Variants in CDK14 observed in about 807,000 individuals in gnomAD.
The protein encoded by CDK14 is cyclin-dependent kinase 14.
CDK14 carries 34 observed loss-of-function variants against 60.7 expected under a neutral mutation model. The observed-to-expected ratio is 0.56, with a 90% confidence interval of 0.43 to 0.75. The LOEUF (loss-of-function observed/expected upper bound fraction) is 0.75. Ranked by LOEUF, CDK14 falls within the 30% of genes least tolerant of loss-of-function variation. The probability of loss-of-function intolerance (pLI) is 0.00; values close to 1 mark genes in which losing one functional copy is unlikely to be tolerated. For synonymous variants in CDK14, 197 were observed against 203.7 expected (o/e 0.97, Z 0.28); for missense variants, 482 against 564.1 (o/e 0.85, Z 1.47).
At chr7:91,131,855 T>C (rs1213939236) in intron 14 of CDK14, among the ~76,000 whole-genome samples, 1 of 152,202 alleles carries the variant, frequency 6.6e-6, no homozygotes, top group East Asian at 1.9e-4. Context: ...TTTACGGTTT[T>C]ATCCTCATTT....
At chr7:90,811,269 A>G (rs1401026779) in intron 5 of CDK14, among the ~76,000 whole-genome samples, 1 of 152,064 alleles carries the variant, frequency 6.6e-6, no homozygotes, top group Non-Finnish European at 1.5e-5. Flanking sequence ...CAAAACAGAG[A>G]TATAGACCAA....
intron 11 of CDK14, among the ~76,000 whole-genome samples, chr7:91,050,396 A>G (rs757205143): frequency 6.6e-6 from 1 of 151,892 alleles, no homozygotes; most frequent in Non-Finnish European, 1.5e-5. Context: ...AGAACTCAAC[A>G]TGGTTTTCCC....
intron 3 of CDK14, 100 bp downstream of exon 3, chr7:90,726,912 CTTA>C (rs1485334631): frequency 5.6e-5 from 77 of 1,368,112 alleles, no homozygotes; most frequent in Non-Finnish European, 7.3e-5. Flanking sequence ...TTATCAGTGC[CTTA>C]TTATGCATTC....
intron 8 of CDK14, among the ~76,000 whole-genome samples, chr7:90,947,174 TCCAGAACAA>T (rs768128324): frequency 6.6e-6 from 1 of 152,222 alleles, no homozygotes; most frequent in Non-Finnish European, 1.5e-5. Context: ...GGAACCTTTT[TCCAGAACAA>T]CCAGCCTGTG....
chr7:90,613,818 C>T (rs1253179656), intron 2 of CDK14, among the ~76,000 whole-genome samples: 1 of 152,090 alleles, frequency 6.6e-6, no homozygotes, highest in African/African-American at 2.4e-5. Context: ...TATTTTCCTT[C>T]TGACTGGAAT....
rs565105805 is a variant in CDK14 at position 91,149,893 on chromosome 7, A to C, written c.*28+31685A>C. ...GATGGGGGAAAATTGATTGACTCAGAAAGTAGGGGATTGCGATGTAGTGAT... is the reference window on the plus strand; with the variant it reads ...GATGGGGGAAAATTGATTGACTCAGCAAGTAGGGGATTGCGATGTAGTGAT... On this transcript the variant is annotated intron_variant, in intron 14 of 14. Coordinates refer to ENST00000380050, the MANE Select transcript of CDK14 (RefSeq NM_001287135.2). Among the ~76,000 whole-genome samples, 5 of 152,250 alleles carry C rather than the reference A, an allele frequency of 3.3e-5. No homozygotes were observed. In the South Asian group the frequency reaches 1.0e-3, roughly 32 times the overall value.
rs193116053 is a variant in CDK14, at chr7:91,128,864, A to G, written c.*28+10656A>G. 1.1e-4 allele frequency among the ~76,000 whole-genome samples: 16 copies of G among 152,020 alleles called. No individual in the cohort carries two copies. In the East Asian group the frequency reaches 2.9e-3, roughly 28 times the overall value. ...TCACTGACTTCTTAGACTCTCCACT[A>G]TTTTACATTCTTCTCAATCCATCTC... On this transcript the variant is annotated intron_variant, in intron 14 of 14. Coordinates refer to ENST00000380050, the MANE Select transcript of CDK14 (RefSeq NM_001287135.2).
At chr7:90,834,403 A>G (rs1004631377) in intron 5 of CDK14, among the ~76,000 whole-genome samples, 2 of 152,190 alleles carry the variant, frequency 1.3e-5, no homozygotes, top group African/African-American at 2.4e-5. Flanking sequence ...TAAGGCTGGA[A>G]GCTGATGTGT....
chr7:90,797,616 A>G (rs1233834444), intron 5 of CDK14, among the ~76,000 whole-genome samples: 1 of 151,968 alleles, frequency 6.6e-6, no homozygotes, highest in Non-Finnish European at 1.5e-5. Flanking sequence ...TTTCTAAAGA[A>G]AAGAGGTTTA....
intron 5 of CDK14, among the ~76,000 whole-genome samples, chr7:90,829,064 G>A (rs1210437753): frequency 2.0e-5 from 3 of 152,096 alleles, no homozygotes; most frequent in Non-Finnish European, 4.4e-5. Context: ...AGAGTGAAGC[G>A]GGAAGTGCCA....
chr7:90,649,236 GTTTCTTTCTTTC>G (rs1167505193), intron 2 of CDK14, among the ~76,000 whole-genome samples: 1,301 of 118,440 alleles, frequency 0.011, 28 homozygotes, highest in Middle Eastern at 0.021. Context: ...CTAGCCTATA[GTTTCTTTCTTTC>G]TTTCTTTCTT....
chr7:91,020,656 G>A (rs969956390), intron 10 of CDK14, among the ~76,000 whole-genome samples: 3 of 152,110 alleles, frequency 2.0e-5, no homozygotes, highest in African/African-American at 7.2e-5. Flanking sequence ...CTGACCACTG[G>A]GATTTGAATC....
intron 11 of CDK14, among the ~76,000 whole-genome samples, chr7:91,059,996 A>G (rs935166544): frequency 1.3e-5 from 2 of 152,152 alleles, no homozygotes; most frequent in East Asian, 1.9e-4. Flanking sequence ...TCTAATGTTG[A>G]AAGTCGGGTG....
At chr7:90,945,995 C>G (rs560837078) in intron 8 of CDK14, among the ~76,000 whole-genome samples, 78 of 152,190 alleles carry the variant, frequency 5.1e-4, no homozygotes, top group African/African-American at 1.7e-3. Flanking sequence ...GCTCAAGACC[C>G]AGAAGTGTTT....
At chr7:90,846,491 C>T (rs965753721) in intron 5 of CDK14, among the ~76,000 whole-genome samples, 1 of 152,174 alleles carries the variant, frequency 6.6e-6, no homozygotes, top group South Asian at 2.1e-4. Flanking sequence ...TGAATGGAGA[C>T]AGACTCATTT....
chr7:90,883,918 G>T (rs763764086), intron 6 of CDK14, among the ~76,000 whole-genome samples: 1 of 152,138 alleles, frequency 6.6e-6, no homozygotes, highest in Non-Finnish European at 1.5e-5. Flanking sequence ...CAATAGACTA[G>T]ATATTGACAG....
intron 2 of CDK14, among the ~76,000 whole-genome samples, chr7:90,662,461 G>C (rs1271535323): frequency 6.6e-6 from 1 of 152,228 alleles, no homozygotes; most frequent in Non-Finnish European, 1.5e-5. Context: ...TAAAGAATCT[G>C]TTGCCTTTGG....
chr7:91,028,359 T>C (rs1584246137), intron 10 of CDK14, among the ~76,000 whole-genome samples: 1 of 152,204 alleles, frequency 6.6e-6, no homozygotes. Flanking sequence ...TATTTTTCCA[T>C]ATATTGCATA....
intron 10 of CDK14, among the ~76,000 whole-genome samples, chr7:90,996,965 T>G (rs1316787877): frequency 6.6e-6 from 1 of 152,224 alleles, no homozygotes; most frequent in Non-Finnish European, 1.5e-5. Flanking sequence ...GAGACACATA[T>G]GGTGCTATTA....
Sources: allele counts gnomAD v4.1 joint callset (sites outside exome capture counted in the v4.1 genomes callset), GRCh38; gene constraint gnomAD v4.1.1; transcripts MANE v1.5; gene names NCBI Gene and HGNC (gene_info 2026-07-23, HGNC 2026-07-21).